GPM6A: variants seen among roughly 807,000 people sequenced by gnomAD.
The protein encoded by GPM6A is neuronal membrane glycoprotein M6-a.
A neutral mutation model predicts 32.1 loss-of-function variants in GPM6A; 7 were observed. The ratio of observed to expected loss-of-function variants is 0.22; its 90% confidence interval spans 0.12 to 0.41. The LOEUF (loss-of-function observed/expected upper bound fraction) is 0.41, where lower values mean the gene tolerates loss of function less well. GPM6A is among the 10% of genes least tolerant of loss of function. The pLI is 1.00. For synonymous variants in GPM6A, 130 were observed against 123.4 expected (o/e 1.05, Z -0.35); for missense variants, 235 against 347.2 (o/e 0.68, Z 2.57).
chr4:175,764,837 A>C (rs1408374194), intron 1 of GPM6A, among the ~76,000 whole-genome samples: 1 of 145,326 alleles, frequency 6.9e-6, no homozygotes, highest in Non-Finnish European at 1.5e-5. Flanking sequence ...TAGTGACTCA[A>C]CCCAAAGGCA....
chr4:175,675,988 C>A (rs749076551), intron 2 of GPM6A, among the ~76,000 whole-genome samples: 1 of 151,976 alleles, frequency 6.6e-6, no homozygotes, highest in Non-Finnish European at 1.5e-5. Context: ...AGAGACCCAC[C>A]GGGAGGTAGG....
At chr4:175,736,295 G>A (rs1025791376) in intron 1 of GPM6A, among the ~76,000 whole-genome samples, 1 of 151,996 alleles carries the variant, frequency 6.6e-6, no homozygotes, top group Non-Finnish European at 1.5e-5. Context: ...GGATTATAGC[G>A]CGACCCACAG....
intron 1 of GPM6A, among the ~76,000 whole-genome samples, chr4:175,713,766 G>T (rs1024287595): frequency 6.6e-6 from 1 of 152,096 alleles, no homozygotes; most frequent in Non-Finnish European, 1.5e-5. Flanking sequence ...GAAAAAATTC[G>T]CAGCGTTCAA....
At chr4:175,637,551 AT>A (rs1740797571) in intron 6 of GPM6A, among the ~76,000 whole-genome samples, 1 of 105,492 alleles carries the variant, frequency 9.5e-6, no homozygotes, top group Non-Finnish European at 1.8e-5. Context: ...TATATTATAT[AT>A]TATATAAAAA....
chr4:175,912,533 T>C (rs1481103232), intron 1 of GPM6A, among the ~76,000 whole-genome samples: 3 of 152,178 alleles, frequency 2.0e-5, no homozygotes, highest in African/African-American at 4.8e-5. Context: ...TGCATGCCTG[T>C]AGTCCCAGCT....
At chr4:175,952,987 A>G (rs946855597) in intron 1 of GPM6A, among the ~76,000 whole-genome samples, 1 of 151,128 alleles carries the variant, frequency 6.6e-6, no homozygotes, top group Non-Finnish European at 1.5e-5. Flanking sequence ...CCAAGATCAC[A>G]CTACTGCTCT....
chr4:175,887,979 A>G lies in GPM6A; in HGVS notation c.-22-75730T>C, dbSNP rs569647857. ...TAGAAGGAGCACATTTTGCAACTTA[A>G]TGCTATATTACTACATAAATCTTAA... On this transcript the variant is annotated intron_variant, in intron 1 of 7. Coordinates refer to the GPM6A transcript ENST00000280187. 2.0e-5 allele frequency among the ~76,000 whole-genome samples: 3 copies of G among 152,064 alleles called. No homozygotes were observed. In the South Asian group the frequency reaches 6.2e-4, roughly 32 times the overall value.
At chr4:175,697,681 C>CTATAAATGAGTTA (rs1348661103) in intron 2 of GPM6A, among the ~76,000 whole-genome samples, 1 of 152,080 alleles carries the variant, frequency 6.6e-6, no homozygotes, top group Admixed American at 6.6e-5. Flanking sequence ...ATACAAATGA[C>CTATAAATGAGTTA]TATAAATGAG....
chr4:175,770,147 C>T (rs769519228), intron 1 of GPM6A, among the ~76,000 whole-genome samples: 4 of 152,158 alleles, frequency 2.6e-5, no homozygotes, highest in Non-Finnish European at 5.9e-5. Flanking sequence ...CTGCCTCAGC[C>T]TCCCAAGTAG....
At chr4:175,762,584 A>C (rs530072933) in intron 1 of GPM6A, among the ~76,000 whole-genome samples, 2 of 152,308 alleles carry the variant, frequency 1.3e-5, no homozygotes, top group South Asian at 4.1e-4. Flanking sequence ...TCCGAATCTA[A>C]GTATTCACTT....
intron 4 of GPM6A, 115 bp from the exon 5 acceptor site, chr4:175,640,944 T>C (rs749003490): frequency 3.5e-5 from 23 of 657,428 alleles, no homozygotes; most frequent in Non-Finnish European, 5.4e-5. Context: ...TCTTATGTTA[T>C]GTTACAGTGG....
At chr4:175,833,917 G>T (rs1445513910) in intron 1 of GPM6A, among the ~76,000 whole-genome samples, 1 of 152,108 alleles carries the variant, frequency 6.6e-6, no homozygotes, top group Non-Finnish European at 1.5e-5. Context: ...TTCTTGAATT[G>T]TAAGTGAAGA....
At chr4:175,733,349 A>G (rs1332121129) in intron 1 of GPM6A, among the ~76,000 whole-genome samples, 1 of 152,034 alleles carries the variant, frequency 6.6e-6, no homozygotes, top group Non-Finnish European at 1.5e-5. Flanking sequence ...TAAAAATACA[A>G]AAAGATTATC....
chr4:175,918,708 T>A (rs1251852156), intron 1 of GPM6A, among the ~76,000 whole-genome samples: 2 of 152,164 alleles, frequency 1.3e-5, no homozygotes, highest in Non-Finnish European at 2.9e-5. Context: ...GTTTCTTAAT[T>A]CTTTTTGTCA....
At chr4:175,937,366 C>T (rs969099249) in intron 1 of GPM6A, among the ~76,000 whole-genome samples, 16 of 152,198 alleles carry the variant, frequency 1.1e-4, no homozygotes, top group African/African-American at 2.4e-4. Flanking sequence ...TGCACTTTAA[C>T]GCATTTAAGA....
intron 1 of GPM6A, among the ~76,000 whole-genome samples, chr4:175,935,472 T>C (rs904626290): frequency 6.6e-6 from 1 of 152,176 alleles, no homozygotes; most frequent in African/African-American, 2.4e-5. Context: ...CTGTGCTTTC[T>C]CTACTGCCAC....
At chr4:175,909,042 C>CAG (rs144415625) in intron 1 of GPM6A, among the ~76,000 whole-genome samples, 3 of 56,666 alleles carry the variant, frequency 5.3e-5, no homozygotes, top group South Asian at 1.7e-3. Context: ...AAAAAAAGGG[C>CAG]GGGGGGGGGG....
At chr4:175,915,433 C>T (rs934474869) in intron 1 of GPM6A, among the ~76,000 whole-genome samples, 1 of 151,948 alleles carries the variant, frequency 6.6e-6, no homozygotes, top group Admixed American at 6.6e-5. Flanking sequence ...ATTACAGGCA[C>T]CCACCAGCAC....
chr4:175,703,739 G>A (rs1402756089), intron 1 of GPM6A, among the ~76,000 whole-genome samples: 4 of 152,134 alleles, frequency 2.6e-5, no homozygotes, highest in African/African-American at 9.7e-5. Context: ...ATACTGGTGA[G>A]GCACTATGTG....
Sources: gnomAD v4.1 joint callset for allele counts (sites outside exome capture counted in the v4.1 genomes callset) on GRCh38, gnomAD v4.1.1 for gene constraint, MANE v1.5 for transcripts, NCBI Gene and HGNC (gene_info 2026-07-23, HGNC 2026-07-21) for gene names.